The following NR5A2 variants were observed in gnomAD, a reference collection of about 807,000 sequenced individuals.
The protein encoded by NR5A2 is nuclear receptor subfamily 5 group A member 2.
A neutral mutation model predicts 62.7 loss-of-function variants in NR5A2; 26 were observed. That is an observed-to-expected ratio of 0.41 (90% CI 0.30 to 0.58). The LOEUF is 0.58. Among genes scored for constraint, NR5A2 ranks in the 20% least tolerant of loss-of-function variants. The probability of loss-of-function intolerance (pLI) is 0.22; values close to 1 mark genes in which losing one functional copy is unlikely to be tolerated. For missense variants in NR5A2, 541 were observed against 669.1 expected (o/e 0.81, Z 2.11); for synonymous variants, 246 against 241.7 (o/e 1.02, Z -0.16).
intron 7 of NR5A2, among the ~76,000 whole-genome samples, chr1:200,173,629 T>C (rs1654284550): frequency 6.6e-6 from 1 of 152,254 alleles, no homozygotes; most frequent in South Asian, 2.1e-4. Context: ...CTCCAGGGAC[T>C]CATTTGCTGG....
intron 7 of NR5A2, among the ~76,000 whole-genome samples, chr1:200,150,889 G>C (rs891124241): frequency 2.0e-5 from 3 of 152,138 alleles, no homozygotes; most frequent in Non-Finnish European, 4.4e-5. Context: ...CAGCCTAATC[G>C]CCTCTTCACT....
intron 7 of NR5A2, among the ~76,000 whole-genome samples, chr1:200,123,679 A>C (rs1005189481): frequency 1.3e-5 from 2 of 152,200 alleles, no homozygotes; most frequent in East Asian, 3.9e-4. Context: ...AGCAGCATGG[A>C]AAGTGGACTG....
rs529791753 is a variant in NR5A2 at position 200,130,919 on chromosome 1, A to C, written c.1378+9964A>C. On this transcript the variant is annotated intron_variant, in intron 7 of 7. Coordinates refer to ENST00000367362, the MANE Select transcript of NR5A2 (RefSeq NM_205860.3). ...AAAGAAATATCCCAGGGTTCTTCGT[A>C]CAATTAGCATTCATTCTCAGTGTTT... Among the ~76,000 whole-genome samples, 10 of 152,356 alleles carry C rather than the reference A, an allele frequency of 6.6e-5. No individual in the cohort carries two copies. The East Asian group carries it at 1.9e-3, about 29-fold the overall frequency.
intron 7 of NR5A2, among the ~76,000 whole-genome samples, chr1:200,133,196 C>T (rs987599921): frequency 3.3e-5 from 5 of 151,950 alleles, no homozygotes; most frequent in Non-Finnish European, 7.4e-5. Context: ...AAGTGATTTC[C>T]CAGAAACGTG....
At chr1:200,139,590 T>C (rs1161167923) in intron 7 of NR5A2, among the ~76,000 whole-genome samples, 1 of 152,264 alleles carries the variant, frequency 6.6e-6, no homozygotes, top group Non-Finnish European at 1.5e-5. Flanking sequence ...AATTATTCTC[T>C]TATCTTTTGT....
intron 7 of NR5A2, among the ~76,000 whole-genome samples, chr1:200,124,023 C>T (rs939634335): frequency 2.0e-5 from 3 of 151,914 alleles, no homozygotes; most frequent in Non-Finnish European, 4.4e-5. Context: ...AGGCTGGTCT[C>T]GAACTCCTGA....
intron 5 of NR5A2, among the ~76,000 whole-genome samples, chr1:200,100,934 C>T (rs3790820): frequency 6.6e-6 from 1 of 152,252 alleles, no homozygotes; most frequent in East Asian, 1.9e-4. Context: ...CCTTATGGAG[C>T]TTATTTTGGG....
chr1:200,113,919 G>A (rs1205691764), intron 6 of NR5A2, among the ~76,000 whole-genome samples: 1 of 152,146 alleles, frequency 6.6e-6, no homozygotes. Context: ...AGTGGCTCAC[G>A]CCTGTAATCC....
chr1:200,083,769 C>T (rs1664400808), intron 5 of NR5A2, among the ~76,000 whole-genome samples: 2 of 151,884 alleles, frequency 1.3e-5, no homozygotes, highest in Non-Finnish European at 2.9e-5. Flanking sequence ...GAGTTCAAGA[C>T]CAGCATGACA....
chr1:200,086,499 C>T (rs1447386109), intron 5 of NR5A2, among the ~76,000 whole-genome samples: 3 of 152,008 alleles, frequency 2.0e-5, no homozygotes, highest in Non-Finnish European at 1.5e-5. Flanking sequence ...GACGGGGTTT[C>T]TCCATGTTGG....
intron 6 of NR5A2, among the ~76,000 whole-genome samples, chr1:200,116,259 G>A (rs760385583): frequency 6.6e-6 from 1 of 152,112 alleles, no homozygotes; most frequent in Non-Finnish European, 1.5e-5. Flanking sequence ...AGGAATGCAA[G>A]ACCCCAGGTG....
intron 5 of NR5A2, among the ~76,000 whole-genome samples, chr1:200,101,983 G>A (rs571827853): frequency 1.4e-4 from 22 of 152,266 alleles, no homozygotes; most frequent in African/African-American, 5.1e-4. Context: ...TCACAGTGCT[G>A]TTTAACATTT....
At chr1:200,116,243 AG>A (rs1666209921) in intron 6 of NR5A2, among the ~76,000 whole-genome samples, 2 of 152,308 alleles carry the variant, frequency 1.3e-5, no homozygotes, top group South Asian at 2.1e-4. Flanking sequence ...CCCTTTGGAC[AG>A]ACAGAGGAAT....
intron 5 of NR5A2, among the ~76,000 whole-genome samples, chr1:200,072,409 ATGATT>A (rs1663778332): frequency 6.6e-6 from 1 of 152,186 alleles, no homozygotes; most frequent in South Asian, 2.1e-4. Context: ...CAAAATTTGA[ATGATT>A]TGAGAATGCA....
chr1:200,082,823 T>G (rs1664355613), intron 5 of NR5A2, among the ~76,000 whole-genome samples: 1 of 152,162 alleles, frequency 6.6e-6, no homozygotes, highest in Non-Finnish European at 1.5e-5. Flanking sequence ...ACACCTGCTG[T>G]GCATCTACAA....
Position 200,045,529 on chromosome 1 carries a change from G to A in NR5A2, c.408G>A (p.Lys136=), listed in dbSNP as rs757714638. 2.5e-6 allele frequency: 4 copies of A among 1,613,226 alleles called. No homozygotes were observed. Among genetic ancestry groups the A allele is most frequent in the Middle Eastern group, 1.6e-4 (1 of 6,080 alleles). Residue 136 remains lysine, a synonymous_variant, in exon 4 of 8, where the codon AAG becomes AAA. Transcript: ENST00000367362. ...GCCAAATTGACAAAACACAGAGAAAGCGTTGTCCTTACTGTCGTTTTCAAA... is the reference window on the plus strand; with the variant it reads ...GCCAAATTGACAAAACACAGAGAAAACGTTGTCCTTACTGTCGTTTTCAAA... ...QNCQIDKTQR[K]RCPYCRFQKC...
chr1:200,136,626 G>C (rs1470040468), intron 7 of NR5A2, among the ~76,000 whole-genome samples: 1 of 152,170 alleles, frequency 6.6e-6, no homozygotes, highest in Non-Finnish European at 1.5e-5. Flanking sequence ...AGTCATCAAA[G>C]TCTAGGTTTT....
chr1:200,062,227 TTGTGTGTG>T (rs6143563), intron 5 of NR5A2, among the ~76,000 whole-genome samples: 16 of 145,756 alleles, frequency 1.1e-4, no homozygotes, highest in East Asian at 4.1e-4. Context: ...CTGGCAGATT[TTGTGTGTG>T]TGTGTGTGTG....
chr1:200,074,554 A>G (rs950425611), intron 5 of NR5A2, among the ~76,000 whole-genome samples: 5 of 151,634 alleles, frequency 3.3e-5, no homozygotes, highest in African/African-American at 1.2e-4. Flanking sequence ...TTGCTAACAC[A>G]GTGAAACTCC....
Sources: gnomAD v4.1 joint callset for allele counts (sites outside exome capture counted in the v4.1 genomes callset) on GRCh38, gnomAD v4.1.1 for gene constraint, MANE v1.5 for transcripts, NCBI Gene and HGNC (gene_info 2026-07-23, HGNC 2026-07-21) for gene names.